SOX13: variants seen among roughly 807,000 people sequenced by gnomAD.
SOX13 encodes the protein SRY-box transcription factor 13.
Under a neutral mutation model 71.8 loss-of-function variants are expected in SOX13, and 28 were observed. The ratio of observed to expected loss-of-function variants is 0.39; its 90% confidence interval spans 0.29 to 0.53. The LOEUF is 0.53. Ranked by LOEUF, SOX13 falls within the 20% of genes least tolerant of loss-of-function variation. SOX13 has a pLI of 0.70. For synonymous variants in SOX13, 309 were observed against 317.8 expected (o/e 0.97, Z 0.29); for missense variants, 627 against 810.3 (o/e 0.77, Z 2.75).
intron 1 of SOX13, among the ~76,000 whole-genome samples, chr1:204,110,285 G>C (rs1278270690): frequency 6.8e-6 from 1 of 147,420 alleles, no homozygotes; most frequent in Non-Finnish European, 1.5e-5. Flanking sequence ...ATGCCACCAT[G>C]CCCAGCTAAT....
At chr1:204,101,771 G>C (rs570235008) in intron 1 of SOX13, among the ~76,000 whole-genome samples, 71 of 152,212 alleles carry the variant, frequency 4.7e-4, no homozygotes, top group African/African-American at 1.6e-3. Context: ...AGTATTCACT[G>C]GGCTACCTAG....
At chr1:204,091,969 G>C (rs1656154707) in intron 1 of SOX13, among the ~76,000 whole-genome samples, 1 of 152,020 alleles carries the variant, frequency 6.6e-6, no homozygotes, top group Admixed American at 6.6e-5. Context: ...TTCGTTCTCT[G>C]TCTGCCTTTC....
At chr1:204,086,237 C>A (rs1298071065) in intron 1 of SOX13, among the ~76,000 whole-genome samples, 1 of 152,210 alleles carries the variant, frequency 6.6e-6, no homozygotes, top group African/African-American at 2.4e-5. Context: ...TTCCCTCCCC[C>A]TCCTCAGTTC....
intron 1 of SOX13, among the ~76,000 whole-genome samples, chr1:204,105,421 T>TTTTTTTTTTTTTG (rs1208479754): frequency 6.6e-6 from 1 of 151,338 alleles, no homozygotes; most frequent in East Asian, 1.9e-4. Flanking sequence ...CTCTTTTTTT[T>TTTTTTTTTTTTTG]TTGAGACAGA....
chr1:204,119,772 C>T (rs1656765002), intron 7 of SOX13: 1 of 151,826 alleles, frequency 6.6e-6, no homozygotes, highest in Admixed American at 6.6e-5. Context: ...CTTTGGGAGG[C>T]TAAGGCAGGA....
At chr1:204,121,813 C>T (rs1571594347) in intron 7 of SOX13, 87 bp from the exon 8 acceptor site, 3 of 917,076 alleles carry the variant, frequency 3.3e-6, no homozygotes, top group Non-Finnish European at 5.3e-6. Flanking sequence ...AGCCATTGCC[C>T]ATCTTGTGGT....
intron 1 of SOX13, among the ~76,000 whole-genome samples, chr1:204,078,486 G>A (rs547929142): frequency 6.6e-6 from 1 of 152,194 alleles, no homozygotes; most frequent in Admixed American, 6.5e-5. Context: ...TGGGAGGGCC[G>A]GCCAGGCACA....
intron 7 of SOX13, chr1:204,118,888 T>C (rs1656748503): frequency 6.6e-6 from 1 of 151,062 alleles, no homozygotes; most frequent in Non-Finnish European, 1.5e-5. Flanking sequence ...CTTTGAGGGG[T>C]GGGGAGTGGA....
At chr1:204,082,259 C>T (rs892531001) in intron 1 of SOX13, among the ~76,000 whole-genome samples, 1 of 149,500 alleles carries the variant, frequency 6.7e-6, no homozygotes, top group Non-Finnish European at 1.5e-5. Flanking sequence ...TGTGTGTGTG[C>T]ACATATGTGT....
At chr1:204,075,869 T>C (rs1655776485) in intron 1 of SOX13, among the ~76,000 whole-genome samples, 7 of 152,198 alleles carry the variant, frequency 4.6e-5, no homozygotes, top group Admixed American at 4.6e-4. Context: ...TATGAGCTAT[T>C]ATTGCCATTA....
At chr1:204,098,600 T>C (rs1320816892) in intron 1 of SOX13, among the ~76,000 whole-genome samples, 1 of 152,246 alleles carries the variant, frequency 6.6e-6, no homozygotes, top group African/African-American at 2.4e-5. Context: ...ATTAGGCATA[T>C]GTGTTGCCAG....
chr1:204,091,328 G>A (rs780451319), intron 1 of SOX13, among the ~76,000 whole-genome samples: 1 of 152,124 alleles, frequency 6.6e-6, no homozygotes, highest in Non-Finnish European at 1.5e-5. Flanking sequence ...AGCTTTCCTG[G>A]GATATCCAGC....
At chr1:204,117,092 C>G in intron 5 of SOX13, 30 bp from the exon 6 acceptor site, 1 of 1,610,674 alleles carries the variant, frequency 6.2e-7, no homozygotes, top group Non-Finnish European at 8.5e-7. Context: ...ATGTCCGTGA[C>G]CCCCTCTGCC....
At chr1:204,115,650 T>G (rs12080641) in intron 4 of SOX13, among the ~76,000 whole-genome samples, 1,588 of 133,250 alleles carry the variant, frequency 0.012, 38 homozygotes, top group African/African-American at 0.04. Context: ...TATTAGCGCT[T>G]CTTCTTCTTT....
At position 204,123,734 on chromosome 1, in the gene SOX13, C is replaced by A. The variant is rs763918429; in HGVS notation, c.1305C>A (p.Ala435=). The change falls in exon 12 of 14, where the codon GCC becomes GCA. Residue 435 remains alanine (A), a synonymous_variant. Coordinates refer to ENST00000367204, the MANE Select transcript of SOX13 (RefSeq NM_005686.3). The surrounding 1 kb of genome is among the most constrained non-coding windows in gnomAD (Gnocchi z 5.0). ...CCATGAACGCCTTCATGGTGTGGGCCAAGGATGAGCGGAGGAAGATCCTGC... is the reference window on the plus strand; with the variant it reads ...CCATGAACGCCTTCATGGTGTGGGCAAAGGATGAGCGGAGGAAGATCCTGC... ...KRPMNAFMVW[A]KDERRKILQA... is the part of the protein sequence containing the mutation. 3.2e-5 allele frequency: 52 copies of A among 1,614,050 alleles called. No individual in the cohort carries two copies. In the East Asian group the frequency reaches 1.1e-3, roughly 35 times the overall value.
In SOX13 at chr1:204,117,199, AG is replaced by A. The variant is rs747044925; in HGVS notation, c.660+13del. 1.2e-6 allele frequency: 2 copies of A among 1,613,446 alleles called. No individual in the cohort carries two copies. The stretch of plus-strand genomic sequence containing the variant: ...TTCAGCAGCAGATCCAGGTAACCGG[AG>A]GGGAGACCCGGAGAGGCACAGGAGG... On this transcript the variant is annotated intron_variant, in intron 6 of 13. Transcript: ENST00000367204.
At chr1:204,085,776 C>T (rs1040422045) in intron 1 of SOX13, among the ~76,000 whole-genome samples, 1 of 151,624 alleles carries the variant, frequency 6.6e-6, no homozygotes, top group African/African-American at 2.4e-5. Flanking sequence ...AGATCAAGAC[C>T]ATCCTGGCTA....
Position 204,122,977 on chromosome 1 carries a change from C to G in SOX13, c.1134+14C>G, listed in dbSNP as rs201404301. The G allele has an allele frequency of 1.9e-6, 3 of 1,550,408 alleles. No individual in the cohort carries two copies. The South Asian group carries it at 3.5e-5, about 18-fold the overall frequency. On this transcript the variant is annotated intron_variant, in intron 10 of 13. Coordinates refer to ENST00000367204, the MANE Select transcript of SOX13 (RefSeq NM_005686.3). ...CCCTTCCGTAAGGTATGGTCCCCCA[C>G]TCCCTTGAGCCTAGGGGCAGCAACA...
chr1:204,078,977 GT>G (rs1355166709), intron 1 of SOX13, among the ~76,000 whole-genome samples: 1 of 152,174 alleles, frequency 6.6e-6, no homozygotes, highest in Non-Finnish European at 1.5e-5. Context: ...AAGCCCCATG[GT>G]GATGAAGCCT....
Sources: allele counts gnomAD v4.1 joint callset (sites outside exome capture counted in the v4.1 genomes callset), GRCh38; gene constraint gnomAD v4.1.1; non-coding constraint Gnocchi (gnomAD v3.1); transcripts MANE v1.5; gene names NCBI Gene and HGNC (gene_info 2026-07-23, HGNC 2026-07-21).